Variants in HHAT observed in about 807,000 individuals in gnomAD.
HHAT encodes protein-cysteine N-palmitoyltransferase HHAT.
A neutral mutation model predicts 70.8 loss-of-function variants in HHAT; 47 were observed. The observed-to-expected ratio is 0.66, with a 90% CI of 0.53 to 0.85. The LOEUF (loss-of-function observed/expected upper bound fraction) is 0.85, where lower values mean the gene tolerates loss of function less well. Among genes scored for constraint, HHAT ranks in the 40% least tolerant of loss-of-function variants. HHAT has a pLI of 0.00. For missense variants in HHAT, 609 were observed against 604.8 expected (o/e 1.01, Z -0.07); for synonymous variants, 228 against 247.6 (o/e 0.92, Z 0.74).
At chr1:210,559,893 A>G (rs1452185014) in intron 9 of HHAT, among the ~76,000 whole-genome samples, 1 of 152,210 alleles carries the variant, frequency 6.6e-6, no homozygotes, top group Admixed American at 6.5e-5. Context: ...TTCCTTCCCA[A>G]AGACATTTCT....
chr1:210,563,947 T>TTTTGTTTG (rs775488908), intron 9 of HHAT, among the ~76,000 whole-genome samples: 1 of 151,906 alleles, frequency 6.6e-6, no homozygotes, highest in Non-Finnish European at 1.5e-5. Flanking sequence ...ACTACATTGT[T>TTTTGTTTG]TTTGTTTGTT....
chr1:210,436,442 A>G (rs1214078393), intron 7 of HHAT, among the ~76,000 whole-genome samples: 1 of 151,496 alleles, frequency 6.6e-6, no homozygotes, highest in African/African-American at 2.4e-5. Flanking sequence ...TGCTTTGGCT[A>G]TTCGGGGTCT....
At chr1:210,433,705 T>C (rs140846183) in intron 7 of HHAT, among the ~76,000 whole-genome samples, 24 of 152,044 alleles carry the variant, frequency 1.6e-4, no homozygotes, top group Non-Finnish European at 2.4e-4. Flanking sequence ...CCTGGAGATA[T>C]CAAACTAAAA....
At position 210,329,109 on chromosome 1, in the gene HHAT, G is replaced by A. The variant is rs1268795767; in HGVS notation, c.-44+5G>A. 7.2e-7 allele frequency: 1 copy of A among 1,384,888 alleles called. No individual in the cohort carries two copies. Among genetic ancestry groups the A allele is most frequent in the Admixed American group, 3.1e-5 (1 of 32,486 alleles). The allele number at this position is 1,384,888 out of a possible 1,614,324, so 85.8% of individuals were successfully genotyped here. ...GCCGCCCGGGACAGCCCGGAGGTTG[G>A]TAACTGGTGACCATAGGGGGTCCTG... is the stretch of plus-strand genomic sequence containing the variant. On this transcript the variant is annotated splice_donor_5th_base_variant and intron_variant, in intron 1 of 11. Transcript: ENST00000261458.
intron 11 of HHAT, among the ~76,000 whole-genome samples, chr1:210,671,054 G>A (rs1255379045): frequency 6.6e-6 from 1 of 152,168 alleles, no homozygotes; most frequent in Non-Finnish European, 1.5e-5. Flanking sequence ...CAGTCTTGGG[G>A]ACAGTCTTCC....
chr1:210,443,255 G>A (rs1224414632), intron 7 of HHAT, among the ~76,000 whole-genome samples: 2 of 94,740 alleles, frequency 2.1e-5, no homozygotes, highest in African/African-American at 6.5e-5. Flanking sequence ...TAGCCTTGTA[G>A]TATAGTTTGA....
chr1:210,630,974 A>T (rs1335023541), intron 11 of HHAT: 2 of 444,816 alleles, frequency 4.5e-6, no homozygotes, highest in Non-Finnish European at 8.9e-6. Flanking sequence ...AAGCCAACAT[A>T]TCTTTGTATT....
chr1:210,373,488 G>A (rs1443440975), intron 3 of HHAT, among the ~76,000 whole-genome samples: 1 of 152,200 alleles, frequency 6.6e-6, no homozygotes, highest in Non-Finnish European at 1.5e-5. Flanking sequence ...GCACGTGGGA[G>A]AAGATGTAAA....
At chr1:210,411,435 C>T (rs1006138214) in intron 6 of HHAT, among the ~76,000 whole-genome samples, 2 of 152,190 alleles carry the variant, frequency 1.3e-5, no homozygotes, top group African/African-American at 4.8e-5. Flanking sequence ...TTATCACGTT[C>T]AGCTAGAAGA....
chr1:210,477,076 C>A (rs2094316386), intron 8 of HHAT, among the ~76,000 whole-genome samples: 1 of 152,148 alleles, frequency 6.6e-6, no homozygotes, highest in African/African-American at 2.4e-5. Flanking sequence ...GGAGTTTTTA[C>A]TGACTTTACC....
At position 210,535,061 on chromosome 1, in the gene HHAT, T is replaced by TG. The variant is rs575553487; in HGVS notation, c.1043+21874dup. Among the ~76,000 whole-genome samples the TG allele has an allele frequency of 4.5e-3, 678 of 152,304 alleles. 4 individuals carry two copies. Among genetic ancestry groups the TG allele is most frequent in the African/African-American group, 0.016 (655 of 41,558 alleles). On this transcript the variant is annotated intron_variant, in intron 9 of 11. Coordinates refer to ENST00000261458, the MANE Select transcript of HHAT (RefSeq NM_018194.6). ...TTAACCAGGCTTCCTGACCAGCCTC[T>TG]GCTTTTTGTAGAATTGTTTAGCTAT... is the stretch of plus-strand genomic sequence containing the variant.
intron 8 of HHAT, among the ~76,000 whole-genome samples, chr1:210,466,174 C>CAAGGAATTGCAAGGAATTCAAGG (rs1223003123): frequency 4.7e-5 from 7 of 150,512 alleles, no homozygotes; most frequent in South Asian, 2.1e-4. Context: ...ATTGCAATTG[C>CAAGGAATTGCAAGGAATTCAAGG]AAGGAATTGC....
At chr1:210,421,441 G>T (rs2092901029) in intron 7 of HHAT, among the ~76,000 whole-genome samples, 1 of 152,080 alleles carries the variant, frequency 6.6e-6, no homozygotes, top group South Asian at 2.1e-4. Flanking sequence ...AAAGGACTTT[G>T]GTATATCATT....
At chr1:210,667,833 A>G (rs1679244990) in intron 11 of HHAT, among the ~76,000 whole-genome samples, 1 of 152,212 alleles carries the variant, frequency 6.6e-6, no homozygotes, top group Non-Finnish European at 1.5e-5. Context: ...AATTACACAA[A>G]ACATAAAATT....
intron 11 of HHAT, among the ~76,000 whole-genome samples, chr1:210,653,964 G>GC: frequency 0.011 from 1 of 94 alleles, no homozygotes; most frequent in Non-Finnish European, 0.038. Flanking sequence ...ATAGTGTGAC[G>GC]GGAATAGTGT....
At chr1:210,634,408 G>A (rs567614893) in intron 11 of HHAT, among the ~76,000 whole-genome samples, 6 of 152,226 alleles carry the variant, frequency 3.9e-5, no homozygotes, top group Non-Finnish European at 1.5e-5. Context: ...GGTCGCCTCA[G>A]TGAGAAGGCC....
chr1:210,578,057 G>C (rs12089653), intron 9 of HHAT, among the ~76,000 whole-genome samples: 1 of 152,184 alleles, frequency 6.6e-6, no homozygotes, highest in African/African-American at 2.4e-5. Flanking sequence ...ATGAGTTGGA[G>C]AAGGATTGGT....
At chr1:210,480,222 C>T (rs190804547) in intron 8 of HHAT, among the ~76,000 whole-genome samples, 1 of 152,282 alleles carries the variant, frequency 6.6e-6, no homozygotes, top group Non-Finnish European at 1.5e-5. Context: ...CCAAAGTGTG[C>T]TGGAGGTGAA....
At position 210,456,681 on chromosome 1, in the gene HHAT, A is replaced by G. The variant is rs540934217; in HGVS notation, c.857-7824A>G. The stretch of plus-strand genomic sequence containing the variant: ...TGACCATTTGTCCTTCAGCAGGCCA[A>G]TGACACTGTTGAGCTCAGAAGTGGG... On this transcript the variant is annotated intron_variant, in intron 7 of 11. Transcript: ENST00000261458. Among the ~76,000 whole-genome samples the G allele has an allele frequency of 7.2e-5, 11 of 152,304 alleles. 1 individual carries two copies. In the South Asian group the frequency reaches 1.2e-3, roughly 17 times the overall value.
Sources: allele counts gnomAD v4.1 joint callset (sites outside exome capture counted in the v4.1 genomes callset), GRCh38; gene constraint gnomAD v4.1.1; transcripts MANE v1.5; gene names NCBI Gene and HGNC (gene_info 2026-07-23, HGNC 2026-07-21).